Variants in DLGAP2 observed in about 807,000 individuals in gnomAD.
DLGAP2 encodes disks large-associated protein 2.
Under a neutral mutation model 100.3 loss-of-function variants are expected in DLGAP2, and 26 were observed. The observed-to-expected ratio is 0.26, with a 90% CI of 0.19 to 0.36. The LOEUF (loss-of-function observed/expected upper bound fraction) is 0.36. DLGAP2 is among the 10% of genes least tolerant of loss of function. The pLI, the probability that DLGAP2 is intolerant of heterozygous loss-of-function variation, is 1.00. For missense variants in DLGAP2, 1,858 were observed against 1,453.2 expected (o/e 1.28, Z -4.53); for synonymous variants, 886 against 630.1 (o/e 1.41, Z -6.08).
At chr8:1,535,837 G>A (rs1317544769) in intron 4 of DLGAP2, among the ~76,000 whole-genome samples, 2 of 152,176 alleles carry the variant, frequency 1.3e-5, no homozygotes, top group African/African-American at 4.8e-5. Context: ...GGGCTGCCCT[G>A]TGCCGGCTCT....
At chr8:1,095,401 C>T (rs528299386) in intron 2 of DLGAP2, among the ~76,000 whole-genome samples, 8 of 152,182 alleles carry the variant, frequency 5.3e-5, no homozygotes, top group South Asian at 2.1e-4. Context: ...CACCCTCGCC[C>T]GGGGTTCTTG....
intron 1 of DLGAP2, among the ~76,000 whole-genome samples, chr8:749,515 T>C (rs187458115): frequency 1.6e-3 from 240 of 152,336 alleles, no homozygotes; most frequent in Non-Finnish European, 2.7e-3. Flanking sequence ...CAAAACATCC[T>C]TTTATAAGTT....
chr8:954,546 G>C (rs1799553825), intron 2 of DLGAP2, among the ~76,000 whole-genome samples: 1 of 152,204 alleles, frequency 6.6e-6, no homozygotes, highest in Non-Finnish European at 1.5e-5. Flanking sequence ...AAAATGAACT[G>C]CAGCTTCATA....
intron 3 of DLGAP2, among the ~76,000 whole-genome samples, chr8:1,299,599 C>T (rs1315002705): frequency 6.6e-6 from 1 of 152,204 alleles, no homozygotes; most frequent in Non-Finnish European, 1.5e-5. Context: ...TTCGTTCCTG[C>T]TGGGATATTC....
chr8:1,464,251 CGGCT>C (rs1798547713), intron 3 of DLGAP2, among the ~76,000 whole-genome samples: 1 of 105,534 alleles, frequency 9.5e-6, no homozygotes, highest in African/African-American at 4.0e-5. Flanking sequence ...CCTTCCAGGA[CGGCT>C]CCCTTCCAGG....
chr8:1,189,494 T>C (rs1797589093), intron 2 of DLGAP2, among the ~76,000 whole-genome samples: 2 of 152,184 alleles, frequency 1.3e-5, no homozygotes, highest in African/African-American at 4.8e-5. Context: ...CTCAAGCAAC[T>C]AGTGTAGAGT....
chr8:779,097 G>A (rs35809757), intron 1 of DLGAP2, among the ~76,000 whole-genome samples: 20,852 of 152,268 alleles, frequency 0.14, 1,868 homozygotes, highest in East Asian at 0.46. Context: ...GGAGTGACCC[G>A]ATTTTCCAGG....
At chr8:1,226,873 G>T (rs1798426778) in intron 2 of DLGAP2, among the ~76,000 whole-genome samples, 1 of 151,994 alleles carries the variant, frequency 6.6e-6, no homozygotes, top group South Asian at 2.1e-4. Context: ...GATAACAAAT[G>T]TTAGTGCAGA....
intron 2 of DLGAP2, among the ~76,000 whole-genome samples, chr8:1,086,860 A>C (rs1299571375): frequency 6.6e-6 from 1 of 152,212 alleles, no homozygotes; most frequent in Non-Finnish European, 1.5e-5. Context: ...ATACAGACAG[A>C]AAATTAATAA....
At chr8:806,169 C>T (rs762325707) in intron 1 of DLGAP2, among the ~76,000 whole-genome samples, 10 of 152,268 alleles carry the variant, frequency 6.6e-5, no homozygotes, top group Admixed American at 2.0e-4. Flanking sequence ...CTTGACTAAT[C>T]GGATTGACTT....
chr8:1,221,879 G>A (rs972761977), intron 2 of DLGAP2, among the ~76,000 whole-genome samples: 1 of 152,076 alleles, frequency 6.6e-6, no homozygotes, highest in Admixed American at 6.5e-5. Context: ...TCCTCAGCTT[G>A]GTCTATTCTG....
At chr8:1,154,452 G>A (rs62487485) in intron 2 of DLGAP2, among the ~76,000 whole-genome samples, 1 of 152,154 alleles carries the variant, frequency 6.6e-6, no homozygotes, top group Admixed American at 6.6e-5. Flanking sequence ...CACTTCTACC[G>A]TAAATTTGTG....
At chr8:1,630,174 A>G (rs570359781) in intron 7 of DLGAP2, among the ~76,000 whole-genome samples, 99 of 152,334 alleles carry the variant, frequency 6.5e-4, no homozygotes, top group African/African-American at 2.3e-3. Flanking sequence ...TAATCCTGGA[A>G]TGCTGGTAGT....
At chr8:1,373,431 G>A (rs1388437219) in intron 3 of DLGAP2, among the ~76,000 whole-genome samples, 2 of 152,184 alleles carry the variant, frequency 1.3e-5, no homozygotes, top group Non-Finnish European at 2.9e-5. Context: ...GACAAGGACG[G>A]GGGGCCGGAC....
chr8:1,341,989 C>T (rs1252639348), intron 3 of DLGAP2, among the ~76,000 whole-genome samples: 1 of 152,160 alleles, frequency 6.6e-6, no homozygotes, highest in Non-Finnish European at 1.5e-5. Context: ...CTCTCTCTGT[C>T]ACCCGGGCTG....
chr8:808,261 G>T (rs1796305797), intron 1 of DLGAP2, among the ~76,000 whole-genome samples: 1 of 152,200 alleles, frequency 6.6e-6, no homozygotes, highest in Non-Finnish European at 1.5e-5. Flanking sequence ...ACATGTGCAT[G>T]TAGCGGTGTT....
At chr8:871,098 G>T (rs924013302) in intron 1 of DLGAP2, among the ~76,000 whole-genome samples, 1 of 152,242 alleles carries the variant, frequency 6.6e-6, no homozygotes, top group African/African-American at 2.4e-5. Context: ...GTCAGAGCCT[G>T]ACCACCTCTG....
chr8:1,170,550 A>C (rs1259067028), intron 2 of DLGAP2, among the ~76,000 whole-genome samples: 70 of 148,956 alleles, frequency 4.7e-4, no homozygotes, highest in Admixed American at 1.3e-3. Flanking sequence ...GATTATTGCC[A>C]CAATTTCAGC....
Position 1,563,354 on chromosome 8 carries a change from C to T in DLGAP2, c.1231-2329C>T, listed in dbSNP as rs528084383. ...GGGCTGTGTGGTTTTGGGGTGTCCG[C>T]GCCTCATTACTGGGGGGCTGTGTGG... On this transcript the variant is annotated intron_variant, in intron 5 of 14. Coordinates refer to ENST00000637795, the MANE Select transcript of DLGAP2 (RefSeq NM_001346810.2). Among the ~76,000 whole-genome samples the T allele has an allele frequency of 6.0e-3, 192 of 31,966 alleles. 33 individuals carry two copies. The highest frequency in any genetic ancestry group is 0.028 in the African/African-American group (169 of 5,938). 21.0% of individuals were successfully genotyped at this position (31,966 alleles called of 152,430 possible). A position where few individuals can be genotyped will look rare whatever the true frequency, so the allele number is the denominator to read the frequency against.
Sources: gnomAD v4.1 joint callset for allele counts (sites outside exome capture counted in the v4.1 genomes callset) on GRCh38, gnomAD v4.1.1 for gene constraint, MANE v1.5 for transcripts, NCBI Gene and HGNC (gene_info 2026-07-23, HGNC 2026-07-21) for gene names.